Variants in CSMD3 observed in about 807,000 individuals in gnomAD.
The protein encoded by CSMD3 is CUB and sushi domain-containing protein 3.
Under a neutral mutation model 435.2 loss-of-function variants are expected in CSMD3, and 177 were observed. That is an observed-to-expected ratio of 0.41 (90% CI 0.36 to 0.46). CSMD3 has a LOEUF of 0.46. Among genes scored for constraint, CSMD3 ranks in the 20% least tolerant of loss-of-function variants. The pLI, the probability that CSMD3 is intolerant of heterozygous loss-of-function variation, is 0.34. For synonymous variants in CSMD3, 1,656 were observed against 1,520.5 expected, an observed-to-expected ratio of 1.09 and a Z score of -2.07; for missense variants, 4,265 against 4,504.6, an observed-to-expected ratio of 0.95 and a Z score of 1.52.
At chr8:113,052,401 G>A (rs1004193725) in intron 5 of CSMD3, among the ~76,000 whole-genome samples, 1 of 152,110 alleles carries the variant, frequency 6.6e-6, no homozygotes, top group Non-Finnish European at 1.5e-5. Context: ...ACATTCAACG[G>A]GATTTGAATT....
intron 3 of CSMD3, among the ~76,000 whole-genome samples, chr8:113,238,343 C>T (rs2093173605): frequency 6.6e-6 from 1 of 151,986 alleles, no homozygotes; most frequent in Admixed American, 6.6e-5. Flanking sequence ...AAACTTTTCC[C>T]CAAGGGGAAA....
chr8:112,343,952 C>T (rs766964858), intron 41 of CSMD3, among the ~76,000 whole-genome samples: 5 of 151,902 alleles, frequency 3.3e-5, no homozygotes, highest in Non-Finnish European at 5.9e-5. Context: ...GCAAGATCTC[C>T]GCTCACTGCA....
chr8:112,597,148 G>T (rs1296356457), intron 22 of CSMD3, among the ~76,000 whole-genome samples: 3 of 150,426 alleles, frequency 2.0e-5, no homozygotes, highest in African/African-American at 4.9e-5. Context: ...AAAGAGAGAA[G>T]AGTCAAATAG....
intron 13 of CSMD3, among the ~76,000 whole-genome samples, chr8:112,701,900 T>G (rs2076396813): frequency 6.6e-6 from 1 of 152,112 alleles, no homozygotes; most frequent in Non-Finnish European, 1.5e-5. Context: ...AAATTGCTAT[T>G]TATTTCTTAA....
In CSMD3 at chr8:112,634,670, C is replaced by A. The variant is rs185023545; in HGVS notation, c.3715+2147G>T. ...AAATTAACTCAATGGTAGATTTTTG[C>A]AATGTCAGGTTTTCATAGATCCATT... On this transcript the variant is annotated intron_variant, in intron 22 of 70. Coordinates refer to ENST00000297405, the MANE Select transcript of CSMD3 (RefSeq NM_198123.2). 2.5e-3 allele frequency among the ~76,000 whole-genome samples: 377 copies of A among 152,006 alleles called. 2 individuals carry two copies. The highest frequency in any genetic ancestry group is 0.01 in the Middle Eastern group (3 of 294).
At chr8:113,214,312 G>A (rs1271828192) in intron 3 of CSMD3, among the ~76,000 whole-genome samples, 1 of 151,948 alleles carries the variant, frequency 6.6e-6, no homozygotes, top group East Asian at 1.9e-4. Flanking sequence ...TGTTTAAAGA[G>A]GATATAATTG....
intron 38 of CSMD3, among the ~76,000 whole-genome samples, chr8:112,365,079 C>A (rs1004610505): frequency 6.6e-6 from 1 of 151,894 alleles, no homozygotes; most frequent in Non-Finnish European, 1.5e-5. Context: ...TAGTAATCAG[C>A]CTCCACTAAA....
intron 10 of CSMD3, among the ~76,000 whole-genome samples, chr8:112,864,074 A>G (rs891711133): frequency 2.0e-5 from 3 of 152,152 alleles, no homozygotes; most frequent in Non-Finnish European, 4.4e-5. Flanking sequence ...TTGAATAAGA[A>G]ACACATGTCA....
chr8:112,821,240 A>G (rs1587391784), intron 12 of CSMD3, among the ~76,000 whole-genome samples: 2 of 152,114 alleles, frequency 1.3e-5, no homozygotes, highest in Non-Finnish European at 2.9e-5. Flanking sequence ...TGTCTTCCAC[A>G]ATAGTTGAAC....
chr8:112,629,378 G>C (rs1023618100), intron 22 of CSMD3, among the ~76,000 whole-genome samples: 9 of 151,994 alleles, frequency 5.9e-5, no homozygotes, highest in Admixed American at 5.9e-4. Flanking sequence ...ATTTTTTATA[G>C]AGAAGGGGTC....
At chr8:112,586,166 A>G (rs1177536709) in intron 23 of CSMD3, among the ~76,000 whole-genome samples, 1 of 151,578 alleles carries the variant, frequency 6.6e-6, no homozygotes, top group Non-Finnish European at 1.5e-5. Context: ...AAACTAACCA[A>G]TAACATTAAA....
rs148016601 is a variant in CSMD3, at chr8:112,315,682, C to G, written c.7361-1065G>C. Among the ~76,000 whole-genome samples the G allele has an allele frequency of 1.8e-3, 278 of 151,842 alleles. 1 individual carries two copies. Among genetic ancestry groups the G allele is most frequent in the African/African-American group, 6.5e-3 (270 of 41,514 alleles). ...TAACCAGTTTTAAACTTAGACTGGA[C>G]TATCTTTTGGGTGTTCTTACTGAGA... On this transcript the variant is annotated intron_variant, in intron 47 of 70. Transcript: ENST00000297405.
chr8:113,375,685 T>C (rs1039565918), intron 1 of CSMD3, among the ~76,000 whole-genome samples: 4 of 152,080 alleles, frequency 2.6e-5, no homozygotes, highest in African/African-American at 9.7e-5. Flanking sequence ...TGCTGAAGAG[T>C]CAGCAATTAG....
chr8:112,236,969 T>G (rs1586485174), intron 67 of CSMD3, among the ~76,000 whole-genome samples: 1 of 152,254 alleles, frequency 6.6e-6, no homozygotes, highest in East Asian at 1.9e-4. Flanking sequence ...CAAAAATTAT[T>G]TAAATAACTT....
intron 32 of CSMD3, among the ~76,000 whole-genome samples, chr8:112,469,889 AAAG>A (rs1818352324): frequency 6.6e-6 from 1 of 152,220 alleles, no homozygotes; most frequent in Non-Finnish European, 1.5e-5. Context: ...AATGACAGAA[AAAG>A]AAAAAAATGT....
chr8:113,139,769 T>C lies in CSMD3; in HGVS notation c.709+33953A>G, dbSNP rs555182962. On this transcript the variant is annotated intron_variant, in intron 4 of 70. Coordinates refer to ENST00000297405, the MANE Select transcript of CSMD3 (RefSeq NM_198123.2). The stretch of plus-strand genomic sequence containing the variant: ...AAACAATATAAAGAGATTGGCAAAG[T>C]TGATTGGAAAGCAGGACTCAACCAT... 5.1e-4 allele frequency among the ~76,000 whole-genome samples: 77 copies of C among 151,112 alleles called. 1 individual carries two copies. The highest frequency in any genetic ancestry group is 1.0e-3 in the Non-Finnish European group (69 of 67,318).
intron 1 of CSMD3, among the ~76,000 whole-genome samples, chr8:113,414,857 T>A (rs928907554): frequency 6.6e-6 from 1 of 151,988 alleles, no homozygotes; most frequent in African/African-American, 2.4e-5. Context: ...GTCCAGCTAC[T>A]TGGGAGGCTG....
intron 3 of CSMD3, among the ~76,000 whole-genome samples, chr8:113,189,999 T>C (rs1208332313): frequency 2.6e-5 from 4 of 151,894 alleles, no homozygotes; most frequent in African/African-American, 7.2e-5. Context: ...TATAAGCTTT[T>C]AGAAATGACT....
chr8:112,434,090 C>T (rs1814047708), intron 32 of CSMD3, among the ~76,000 whole-genome samples: 1 of 151,974 alleles, frequency 6.6e-6, no homozygotes, highest in South Asian at 2.1e-4. Flanking sequence ...TTTACCTGTG[C>T]CCAAGCATTT....
Sources: allele counts gnomAD v4.1 joint callset (sites outside exome capture counted in the v4.1 genomes callset), GRCh38; gene constraint gnomAD v4.1.1; transcripts MANE v1.5; gene names NCBI Gene and HGNC (gene_info 2026-07-23, HGNC 2026-07-21).